The following FAM193A variants were observed in gnomAD, a reference collection of about 807,000 sequenced individuals.
FAM193A encodes family with sequence similarity 193 member A.
In FAM193A, 22 loss-of-function variants were observed where a neutral mutation model predicts 126.5. That is an observed-to-expected ratio of 0.17 (90% CI 0.12 to 0.25). FAM193A has a LOEUF of 0.25. FAM193A is among the 10% of genes least tolerant of loss of function. The probability of loss-of-function intolerance (pLI) is 1.00; values close to 1 mark genes in which losing one functional copy is unlikely to be tolerated. For synonymous variants in FAM193A, 761 were observed against 646.8 expected (o/e 1.18, Z -2.68); for missense variants, 1,675 against 1,672.8 (o/e 1.00, Z -0.02).
At chr4:2,711,887 G>A (rs1577255087) in intron 19 of FAM193A, among the ~76,000 whole-genome samples, 1 of 152,058 alleles carries the variant, frequency 6.6e-6, no homozygotes, top group Non-Finnish European at 1.5e-5. Flanking sequence ...AGATGGTGCT[G>A]CTGCACTCCA....
At chr4:2,724,747 G>C (rs1486966917) in intron 20 of FAM193A, among the ~76,000 whole-genome samples, 2 of 152,154 alleles carry the variant, frequency 1.3e-5, no homozygotes, top group African/African-American at 4.8e-5. Flanking sequence ...AAGCTTTCCA[G>C]TCAATGAAGC....
intron 1 of FAM193A, among the ~76,000 whole-genome samples, chr4:2,543,913 A>G (rs1485656401): frequency 4.7e-5 from 7 of 149,610 alleles, no homozygotes; most frequent in Admixed American, 1.4e-4. Context: ...ATTAGCCACC[A>G]TACAGCGTAT....
intron 5 of FAM193A, among the ~76,000 whole-genome samples, chr4:2,639,065 A>T (rs1744360170): frequency 6.6e-6 from 1 of 152,206 alleles, no homozygotes; most frequent in African/African-American, 2.4e-5. Flanking sequence ...AGACTTATTA[A>T]ATGTGAACAT....
chr4:2,604,838 C>T (rs1258465941), intron 2 of FAM193A, among the ~76,000 whole-genome samples: 1 of 134,528 alleles, frequency 7.4e-6, no homozygotes, highest in Non-Finnish European at 1.5e-5. Flanking sequence ...CTCTCTGTCA[C>T]TCAGGCTGGA....
chr4:2,548,140 C>T lies in FAM193A; in HGVS notation c.255+10970C>T, dbSNP rs1370570537. Among the ~76,000 whole-genome samples, 5 of 148,132 alleles carry T rather than the reference C, an allele frequency of 3.4e-5. 1 individual carries two copies. The highest frequency in any genetic ancestry group is 4.3e-4 in the South Asian group (2 of 4,658). On this transcript the variant is annotated intron_variant, in intron 1 of 20. Coordinates refer to ENST00000637812, the MANE Select transcript of FAM193A (RefSeq NM_001366318.2). Reference sequence around the variant, plus strand: ...AGGCTGGAGTGCAGTGGCACGATCTCGGCTCACTGCTACCTCTGCCTCCTG... The same window carrying T: ...AGGCTGGAGTGCAGTGGCACGATCTTGGCTCACTGCTACCTCTGCCTCCTG...
In FAM193A at chr4:2,630,994, A is replaced by G. The variant is rs1743512224; in HGVS notation, c.863A>G (p.Tyr288Cys). The G allele has an allele frequency of 1.2e-6, 2 of 1,613,484 alleles. No homozygotes were observed. Among genetic ancestry groups the G allele is most frequent in the Non-Finnish European group, 1.7e-6 (2 of 1,179,962 alleles). Residue 288 changes from tyrosine (Y) to cysteine (C), a missense_variant, in exon 5 of 21, where the codon TAT becomes TGT. Around this residue, in one of 4 missense-constraint regions of FAM193A, gnomAD observed 1,186 missense variants for 1,109.2 expected, o/e 1.07. Coordinates refer to ENST00000637812, the MANE Select transcript of FAM193A (RefSeq NM_001366318.2). Reference sequence around the variant, plus strand: ...CGTCTGGAACAGCAAGCTCGAGAGTATGTGCTGGAGATGAAGGTCCGCCTG... The same window carrying G: ...CGTCTGGAACAGCAAGCTCGAGAGTGTGTGCTGGAGATGAAGGTCCGCCTG... ...YQRLEQQARE[Y>C]VLEMKVRLLR...
At chr4:2,634,386 A>C in intron 5 of FAM193A, among the ~76,000 whole-genome samples, 1 of 152,202 alleles carries the variant, frequency 6.6e-6, no homozygotes, top group Non-Finnish European at 1.5e-5. Context: ...GAATTCGAAT[A>C]GATAAAATCC....
intron 1 of FAM193A, among the ~76,000 whole-genome samples, chr4:2,572,417 A>C (rs1179609124): frequency 6.6e-6 from 1 of 152,044 alleles, no homozygotes; most frequent in Non-Finnish European, 1.5e-5. Context: ...CCTAAATGGA[A>C]ACCAGATTGT....
chr4:2,549,246 G>A (rs1305607598), intron 1 of FAM193A, among the ~76,000 whole-genome samples: 1 of 150,668 alleles, frequency 6.6e-6, no homozygotes, highest in African/African-American at 2.4e-5. Context: ...GCTGTAAACC[G>A]GTTTTTTGCA....
At chr4:2,721,985 G>C (rs1457868040) in intron 20 of FAM193A, among the ~76,000 whole-genome samples, 2 of 152,214 alleles carry the variant, frequency 1.3e-5, no homozygotes, top group African/African-American at 4.8e-5. Context: ...ATACAGTGCA[G>C]TTCCCTCGAT....
chr4:2,720,033 G>A (rs1291520516), intron 20 of FAM193A: 2 of 197,212 alleles, frequency 1.0e-5, no homozygotes, highest in African/African-American at 4.8e-5. Context: ...GGCCTCAAGT[G>A]ATCTGCCCAC....
At chr4:2,590,485 A>C (rs569128043) in intron 1 of FAM193A, among the ~76,000 whole-genome samples, 1,031 of 83,800 alleles carry the variant, frequency 0.012, 173 homozygotes, top group Non-Finnish European at 0.017. Context: ...ACAAAAAAAA[A>C]CAAAAAAAAA....
chr4:2,599,329 G>A (rs1741058359), intron 2 of FAM193A, among the ~76,000 whole-genome samples: 1 of 151,798 alleles, frequency 6.6e-6, no homozygotes, highest in Non-Finnish European at 1.5e-5. Context: ...ACTTTGTTGT[G>A]TAGTTCCCTC....
At chr4:2,587,267 A>G (rs1460604616) in intron 1 of FAM193A, among the ~76,000 whole-genome samples, 1 of 152,190 alleles carries the variant, frequency 6.6e-6, no homozygotes, top group Non-Finnish European at 1.5e-5. Context: ...GAGATGGGAA[A>G]GGAGGTGCCA....
chr4:2,651,844 T>C (rs1745701388), intron 7 of FAM193A, among the ~76,000 whole-genome samples: 1 of 152,136 alleles, frequency 6.6e-6, no homozygotes, highest in Non-Finnish European at 1.5e-5. Context: ...GAAGTGACCA[T>C]TGTGAAGCAG....
At chr4:2,593,506 A>G (rs757285012) in intron 1 of FAM193A, among the ~76,000 whole-genome samples, 4 of 152,144 alleles carry the variant, frequency 2.6e-5, no homozygotes, top group African/African-American at 9.7e-5. Context: ...CCTTATCACT[A>G]TTTAATTAGT....
intron 7 of FAM193A, among the ~76,000 whole-genome samples, chr4:2,651,085 C>G (rs1419427657): frequency 6.6e-6 from 1 of 152,174 alleles, no homozygotes; most frequent in African/African-American, 2.4e-5. Context: ...AATCCCAGCA[C>G]TTAGGGAGGC....
At chr4:2,707,440 C>T (rs1221904808) in intron 19 of FAM193A, among the ~76,000 whole-genome samples, 2 of 151,984 alleles carry the variant, frequency 1.3e-5, no homozygotes, top group African/African-American at 2.4e-5. Flanking sequence ...ATGTCATTAT[C>T]GAGCACTTGA....
At chr4:2,666,041 C>G (rs750765744) in intron 12 of FAM193A, among the ~76,000 whole-genome samples, 3 of 152,086 alleles carry the variant, frequency 2.0e-5, no homozygotes, top group African/African-American at 7.2e-5. Flanking sequence ...AGAATTGTTG[C>G]AAGCAGATAT....
Sources: allele counts gnomAD v4.1 joint callset (sites outside exome capture counted in the v4.1 genomes callset), GRCh38; gene constraint gnomAD v4.1.1; regional missense constraint gnomAD v4.1.1; transcripts MANE v1.5; gene names NCBI Gene and HGNC (gene_info 2026-07-23, HGNC 2026-07-21).